The following PCSK6 variants were observed in gnomAD, a reference collection of about 807,000 sequenced individuals.
PCSK6 encodes the protein proprotein convertase subtilisin/kexin type 6.
In PCSK6, 85 loss-of-function variants were observed where a neutral mutation model predicts 123.3. That is an observed-to-expected ratio of 0.69 (90% CI 0.58 to 0.83). PCSK6 has a LOEUF of 0.83. Among genes scored for constraint, PCSK6 ranks in the 40% least tolerant of loss-of-function variants. PCSK6 has a pLI of 0.00. For synonymous variants in PCSK6, 508 were observed against 516.0 expected (o/e 0.98, Z 0.21); for missense variants, 1,191 against 1,282.3 (o/e 0.93, Z 1.09).
intron 13 of PCSK6, chr15:101,346,920 T>C: frequency 1.6e-6 from 2 of 1,231,712 alleles, no homozygotes; most frequent in South Asian, 8.2e-5. Context: ...CTTCTTTTTT[T>C]CTCAAACGAG....
rs56040351 is a variant in PCSK6, at chr15:101,466,607, G to A, written c.297+22767C>T. Among the ~76,000 whole-genome samples, 960 of 152,266 alleles carry A rather than the reference G, an allele frequency of 6.3e-3. 13 individuals are homozygous for A. The highest frequency in any genetic ancestry group is 0.02 in the African/African-American group (825 of 41,550). On this transcript the variant is annotated intron_variant, in intron 1 of 21. Transcript: ENST00000611716. The stretch of plus-strand genomic sequence containing the variant: ...CCTGGGAACAACCTAAATGTCCATC[G>A]GTTGATAAATGAGCAAACACAATGT...
chr15:101,394,203 G>A (rs142694672), intron 7 of PCSK6, among the ~76,000 whole-genome samples: 23 of 144,686 alleles, frequency 1.6e-4, no homozygotes, highest in African/African-American at 4.4e-4. Context: ...TGGAACTCCC[G>A]GGCTCAGGTG....
chr15:101,318,493 T>C (rs1402601497), intron 18 of PCSK6, 71 bp from the exon 19 acceptor site: 1 of 1,261,838 alleles, frequency 7.9e-7, no homozygotes, highest in Non-Finnish European at 1.1e-6. Flanking sequence ...CTCTAGCACC[T>C]TTCCCAAGAG....
intron 10 of PCSK6, among the ~76,000 whole-genome samples, chr15:101,383,160 G>A (rs920078287): frequency 3.9e-5 from 6 of 152,008 alleles, no homozygotes; most frequent in African/African-American, 1.2e-4. Context: ...TGTAATCCCA[G>A]CACTTTGGGA....
intron 9 of PCSK6, among the ~76,000 whole-genome samples, chr15:101,388,397 A>C (rs1184271766): frequency 6.6e-6 from 1 of 152,254 alleles, no homozygotes; most frequent in Non-Finnish European, 1.5e-5. Flanking sequence ...TGACTACTGC[A>C]GAGGGCTGGT....
intron 13 of PCSK6, among the ~76,000 whole-genome samples, chr15:101,360,814 A>G (rs2041200064): frequency 6.6e-6 from 1 of 152,206 alleles, no homozygotes; most frequent in Non-Finnish European, 1.5e-5. Flanking sequence ...CTTTACTCAA[A>G]TGTCCCTTCC....
chr15:101,363,452 C>T (rs1217561144), intron 13 of PCSK6, among the ~76,000 whole-genome samples: 1 of 152,204 alleles, frequency 6.6e-6, no homozygotes, highest in East Asian at 1.9e-4. Flanking sequence ...GCCTTGTGCC[C>T]ACGAAGCAGT....
intron 1 of PCSK6, among the ~76,000 whole-genome samples, chr15:101,449,140 C>T (rs1157377095): frequency 2.6e-5 from 4 of 152,118 alleles, no homozygotes; most frequent in Non-Finnish European, 5.9e-5. Context: ...TCCACAGATG[C>T]TCAAGTCCCT....
chr15:101,453,669 A>C (rs1197737684), intron 1 of PCSK6, among the ~76,000 whole-genome samples: 1 of 152,228 alleles, frequency 6.6e-6, no homozygotes, highest in Non-Finnish European at 1.5e-5. Flanking sequence ...CCTGCAGGCT[A>C]CAGGCAGCCT....
chr15:101,347,842 G>C (rs896601704), intron 13 of PCSK6: 9 of 1,315,376 alleles, frequency 6.8e-6, no homozygotes, highest in Admixed American at 5.1e-5. Flanking sequence ...GCAATCCCAG[G>C]GCAACAGGAG....
chr15:101,362,090 G>A (rs2041243186), intron 13 of PCSK6, among the ~76,000 whole-genome samples: 1 of 151,272 alleles, frequency 6.6e-6, no homozygotes, highest in Non-Finnish European at 1.5e-5. Context: ...CCAAGTAGCT[G>A]GGACTACAGG....
intron 1 of PCSK6, among the ~76,000 whole-genome samples, chr15:101,453,464 CCCACAGGGCCCAG>C (rs1181807774): frequency 6.6e-6 from 1 of 152,200 alleles, no homozygotes; most frequent in African/African-American, 2.4e-5. Context: ...ACCCCCGATG[CCCACAGGGCCCAG>C]CCTGGGACCC....
intron 1 of PCSK6, among the ~76,000 whole-genome samples, chr15:101,467,074 C>G (rs1596366670): frequency 6.6e-6 from 1 of 151,940 alleles, no homozygotes; most frequent in East Asian, 1.9e-4. Flanking sequence ...AGTTAACTCT[C>G]CAGTTTAATC....
intron 20 of PCSK6, 23 bp downstream of exon 20, chr15:101,313,353 G>A (rs202129207): frequency 3.8e-5 from 62 of 1,612,618 alleles, no homozygotes; most frequent in East Asian, 2.7e-4. Flanking sequence ...GCTGCCTGCC[G>A]TTCCCCGCCA....
chr15:101,368,935 T>A (rs1259592001), intron 12 of PCSK6, among the ~76,000 whole-genome samples: 1 of 152,212 alleles, frequency 6.6e-6, no homozygotes, highest in Non-Finnish European at 1.5e-5. Flanking sequence ...GCTCGTCCGC[T>A]GACACCGAAC....
intron 14 of PCSK6, 31 bp downstream of exon 14, chr15:101,331,821 T>C: frequency 6.2e-7 from 1 of 1,610,476 alleles, no homozygotes; most frequent in East Asian, 2.2e-5. Context: ...TCGTGGAAGC[T>C]GGCCGTCTCC....
chr15:101,444,748 G>A (rs2141156480), intron 1 of PCSK6, among the ~76,000 whole-genome samples: 1 of 152,252 alleles, frequency 6.6e-6, no homozygotes, highest in South Asian at 2.1e-4. Context: ...TAGGACTAAA[G>A]CCTACCCGAC....
chr15:101,402,536 G>A (rs991109929), intron 6 of PCSK6, among the ~76,000 whole-genome samples: 88 of 152,236 alleles, frequency 5.8e-4, no homozygotes, highest in African/African-American at 2.0e-3. Flanking sequence ...CAAAGGGCTA[G>A]TATCCAGAAT....
At position 101,313,458 on chromosome 15, in the gene PCSK6, G is replaced by A. The variant is rs780292986; in HGVS notation, c.2617C>T (p.His873Tyr). 4 of 1,611,304 alleles carry A rather than the reference G, an allele frequency of 2.5e-6. No individual in the cohort carries two copies. In the African/African-American group the frequency reaches 4.0e-5, roughly 16 times the overall value. ...CIHCAKNFHF[H>Y]DWKCVPACGE... is the part of the protein sequence containing the mutation. ...CAGGCTGGCACACACTTCCAGTCGT[G>A]GAAGTGGAAGTTTTTCGCACAGTGA... Residue 873 changes from histidine to tyrosine, a missense_variant, in exon 20 of 22, where the codon CAC becomes TAC. Around this residue, in one of 3 missense-constraint regions of PCSK6, gnomAD observed 630 missense variants for 631.4 expected, o/e 1.00. Transcript: ENST00000611716.
Sources: gnomAD v4.1 joint callset for allele counts (sites outside exome capture counted in the v4.1 genomes callset) on GRCh38, gnomAD v4.1.1 for gene constraint, gnomAD v4.1.1 regional missense constraint, MANE v1.5 for transcripts, NCBI Gene and HGNC (gene_info 2026-07-23, HGNC 2026-07-21) for gene names.